FES: variants seen among roughly 807,000 people sequenced by gnomAD.
The protein encoded by FES is FES proto-oncogene, tyrosine kinase, also known as tyrosine-protein kinase Fes/Fps.
In FES, 83 loss-of-function variants were observed where a neutral mutation model predicts 109.6. The observed-to-expected ratio is 0.76, with a 90% CI of 0.63 to 0.91. The LOEUF (loss-of-function observed/expected upper bound fraction) is 0.91. Ranked by LOEUF, FES falls within the 40% of genes least tolerant of loss-of-function variation. FES has a pLI of 0.00. For missense variants in FES, 943 were observed against 1,070.9 expected (o/e 0.88, Z 1.67); for synonymous variants, 458 against 442.1 (o/e 1.04, Z -0.45).
At position 90,885,404 on chromosome 15, in the gene FES, C is replaced by T. The variant is rs747990141; in HGVS notation, c.214-8C>T. ...CCCCTCCCTGCCTCCCCCATCTGTG[C>T]TGTATAGTCCTGGGCTGAGATCACC... On this transcript the variant is annotated splice_region_variant and splice_polypyrimidine_tract_variant and intron_variant, in intron 2 of 18. Coordinates refer to ENST00000328850, the MANE Select transcript of FES (RefSeq NM_002005.4). 4.3e-6 allele frequency: 7 copies of T among 1,610,178 alleles called. No individual in the cohort carries two copies. The highest frequency in any genetic ancestry group is 5.9e-6 in the Non-Finnish European group (7 of 1,178,818).
At chr15:90,890,576 G>A in intron 10 of FES, 92 bp downstream of exon 10, 1 of 1,158,598 alleles carries the variant, frequency 8.6e-7, no homozygotes, top group Non-Finnish European at 1.2e-6. Context: ...CAGGCTGCTT[G>A]TATTGGGAAG....
chr15:90,885,321 G>T (rs780599662), intron 2 of FES, 63 bp downstream of exon 2: 117 of 1,598,474 alleles, frequency 7.3e-5, no homozygotes, highest in Non-Finnish European at 9.6e-5. Context: ...CTCTCCTGGG[G>T]GCCCTCTGGG....
At chr15:90,886,759 G>T (rs1442380390) in intron 3 of FES, among the ~76,000 whole-genome samples, 2 of 152,232 alleles carry the variant, frequency 1.3e-5, no homozygotes, top group Admixed American at 1.3e-4. Context: ...ATTGTAGCCT[G>T]TAGTCTACCT....
At chr15:90,893,078 C>T in intron 14 of FES, 22 bp from the exon 15 acceptor site, 4 of 1,609,730 alleles carry the variant, frequency 2.5e-6, no homozygotes, top group Non-Finnish European at 3.4e-6. Context: ...CCACGTAGAT[C>T]CTGAGCAGCA....
intron 5 of FES, among the ~76,000 whole-genome samples, chr15:90,887,591 C>T (rs2032776979): frequency 1.3e-5 from 2 of 152,210 alleles, no homozygotes; most frequent in Admixed American, 1.3e-4. Flanking sequence ...ATTCATTGAG[C>T]ACTGTTCTGG....
At chr15:90,888,874 C>A (rs1473866742) in intron 5 of FES, among the ~76,000 whole-genome samples, 2 of 151,880 alleles carry the variant, frequency 1.3e-5, no homozygotes, top group African/African-American at 2.4e-5. Context: ...ACCTCCCAGG[C>A]TCAAGCGATT....
In FES at chr15:90,893,346, T is replaced by A. The variant is rs764394296; in HGVS notation, c.1977T>A (p.Thr659=). The A allele has an allele frequency of 6.4e-6, 10 of 1,572,610 alleles. No homozygotes were observed. The highest frequency in any genetic ancestry group is 7.8e-6 in the Non-Finnish European group (9 of 1,158,774). ...AGGGGGCCCGCCTGCGGGTGAAGAC[T>A]CTGCTGCAGATGGTGGGGGATGCAG... ...RTEGARLRVK[T]LLQMVGDAAA... is the part of the protein sequence containing the mutation. Residue 659 remains threonine (T), a synonymous_variant, in exon 16 of 19, where the codon ACT becomes ACA. Coordinates refer to ENST00000328850, the MANE Select transcript of FES (RefSeq NM_002005.4).
At chr15:90,888,908 G>A (rs1242346219) in intron 5 of FES, among the ~76,000 whole-genome samples, 3 of 151,830 alleles carry the variant, frequency 2.0e-5, no homozygotes, top group African/African-American at 7.3e-5. Flanking sequence ...CTCCCGAGTA[G>A]CCAAGTAGCT....
rs2033018404 is a variant in FES, at chr15:90,889,779, T to C, written c.927-61T>C. On this transcript the variant is annotated intron_variant, in intron 7 of 18. Transcript: ENST00000328850. This position sits in a 1 kb window ranked among gnomAD's most constrained non-coding sequence, Gnocchi z 6.1. Reference sequence around the variant, plus strand: ...CTTGCTTGGCTCTACAGGGATGCACTGGACCTGGGTTGAGGGGGCAGGAGG... The same window carrying C: ...CTTGCTTGGCTCTACAGGGATGCACCGGACCTGGGTTGAGGGGGCAGGAGG... 1.2e-6 allele frequency: 2 copies of C among 1,608,994 alleles called. No homozygotes were observed. Among genetic ancestry groups the C allele is most frequent in the East Asian group, 2.2e-5 (1 of 44,758 alleles).
At chr15:90,890,331 C>T in intron 9 of FES, 53 bp downstream of exon 9, 3 of 1,591,812 alleles carry the variant, frequency 1.9e-6, no homozygotes, top group Non-Finnish European at 2.6e-6. Flanking sequence ...CCACCTGGGG[C>T]TGCGCTCCTC....
Position 90,892,833 on chromosome 15 carries a change from A to G in FES, c.1826+8A>G, listed in dbSNP as rs770018318. On this transcript the variant is annotated splice_region_variant and intron_variant, in intron 14 of 18. Coordinates refer to ENST00000328850, the MANE Select transcript of FES (RefSeq NM_002005.4). ...GTTTCTACAGGAAGCGAGGTGGGTG[A>G]TAAACTAATGATCACCACGGGTCCC... 1 of 1,611,814 alleles carries G rather than the reference A, an allele frequency of 6.2e-7. No individual in the cohort carries two copies. Among genetic ancestry groups the G allele is most frequent in the Non-Finnish European group, 8.5e-7 (1 of 1,178,426 alleles).
At position 90,891,020 on chromosome 15, in the gene FES, GC is replaced by G; in HGVS notation, c.1363del (p.Leu455CysfsTer77). On this transcript the variant is annotated frameshift_variant, in exon 11 of 19. Transcript: ENST00000328850. LOFTEE classifies it high-confidence loss of function. The stretch of plus-strand genomic sequence containing the variant: ...TGCAGCTCATTCCGGAGGTGCAGAA[GC>G]CCCTGCATGAGCAGCTGTGGTACCA... The part of the protein sequence containing the change: ...PLQLIPEVQK[P>X]LHEQLWYHGA... 1 of 1,596,784 alleles carries G rather than the reference GC, an allele frequency of 6.3e-7. No homozygotes were observed. The highest frequency in any genetic ancestry group is 8.5e-7 in the Non-Finnish European group (1 of 1,171,548).
intron 13 of FES, 33 bp from the exon 14 acceptor site, chr15:90,892,674 G>T: frequency 1.3e-6 from 2 of 1,561,932 alleles, no homozygotes; most frequent in East Asian, 4.6e-5. Context: ...GCGGGACTGG[G>T]AAGGCCGTGG....
In FES at chr15:90,889,553, T is replaced by A. The variant is rs1363530889; in HGVS notation, c.843T>A (p.Asp281Glu). Reference protein sequence around the residue: ...APDVPPCVTFDESLLEEGEPL... With the variant: ...APDVPPCVTFEESLLEEGEPL... ...ACGTCCCACCCTGTGTCACGTTCGATGAGTCACTGCTTGAGGAGGGTGAAC... is the reference window on the plus strand; with the variant it reads ...ACGTCCCACCCTGTGTCACGTTCGAAGAGTCACTGCTTGAGGAGGGTGAAC... Residue 281 changes from aspartate to glutamate, a missense_variant, in exon 7 of 19, where the codon GAT (aspartate) becomes GAA (glutamate). Transcript: ENST00000328850. This position sits in a 1 kb window ranked among gnomAD's most constrained non-coding sequence, Gnocchi z 6.1. 1 of 1,613,794 alleles carries A rather than the reference T, an allele frequency of 6.2e-7. No homozygotes were observed. Among genetic ancestry groups the A allele is most frequent in the South Asian group, 1.1e-5 (1 of 91,070 alleles).
chr15:90,886,669 C>T (rs976386686), intron 3 of FES, among the ~76,000 whole-genome samples: 6 of 152,218 alleles, frequency 3.9e-5, no homozygotes, highest in Admixed American at 1.3e-4. Context: ...TGTGGAGCCC[C>T]GTGTGACTGC....
In FES at chr15:90,893,933, C is replaced by T. The variant is rs763822677; in HGVS notation, c.2204-3C>T. On this transcript the variant is annotated splice_polypyrimidine_tract_variant and splice_region_variant and intron_variant, in intron 17 of 18. Coordinates refer to ENST00000328850, the MANE Select transcript of FES (RefSeq NM_002005.4). ...CTGCCTCACCTCCTCGCCTCCTCTGCAGGCCGCTACTCCTCCGAAAGCGAC... is the reference window on the plus strand; with the variant it reads ...CTGCCTCACCTCCTCGCCTCCTCTGTAGGCCGCTACTCCTCCGAAAGCGAC... 7 of 1,613,580 alleles carry T rather than the reference C, an allele frequency of 4.3e-6. No individual in the cohort carries two copies. In the South Asian group the frequency reaches 6.6e-5, roughly 15 times the overall value.
rs2033340365 is a variant in FES, at chr15:90,892,705, A to G, written c.1708-2A>G. ...CGTGGTAGGAGCCCAAGACCGTTTCAGGGGAACTTTGGCGAAGTGTTCAGC... is the reference window on the plus strand; with the variant it reads ...CGTGGTAGGAGCCCAAGACCGTTTCGGGGGAACTTTGGCGAAGTGTTCAGC... On this transcript the variant is annotated splice_acceptor_variant, in intron 13 of 18. Coordinates refer to ENST00000328850, the MANE Select transcript of FES (RefSeq NM_002005.4). LOFTEE classifies it high-confidence loss of function. The G allele has an allele frequency of 6.2e-7, 1 of 1,604,678 alleles. No homozygotes were observed. Among genetic ancestry groups the G allele is most frequent in the Non-Finnish European group, 8.5e-7 (1 of 1,175,520 alleles).
rs1382142837 is a variant in FES, at chr15:90,895,703, C to T, written c.*145C>T. ...CTGCCGGCAGGATGCAGCGCCGTGT[C>T]CTCTCTGTGTCCCTGCTGCTGCCAG... On this transcript the variant is annotated 3_prime_UTR_variant, in exon 19 of 19. Transcript: ENST00000328850. The T allele has an allele frequency of 1.6e-5, 10 of 637,280 alleles. No homozygotes were observed. The highest frequency in any genetic ancestry group is 3.8e-5 in the African/African-American group (2 of 52,662). 39.5% of individuals were successfully genotyped at this position (637,280 alleles called of 1,614,324 possible). A position where few individuals can be genotyped will look rare whatever the true frequency, so the allele number is the denominator to read the frequency against.
rs370234292 is a variant in FES at position 90,890,388 on chromosome 15, T to C, written c.1237-13T>C. On this transcript the variant is annotated splice_polypyrimidine_tract_variant and intron_variant, in intron 9 of 18. Coordinates refer to ENST00000328850, the MANE Select transcript of FES (RefSeq NM_002005.4). Reference sequence around the variant, plus strand: ...AAGCCTGGCCACCCGCTGACGTCTGTCCCTGGCCTCAGGAGCAGGAGCGAG... The same window carrying C: ...AAGCCTGGCCACCCGCTGACGTCTGCCCCTGGCCTCAGGAGCAGGAGCGAG... 257 of 1,612,058 alleles carry C rather than the reference T, an allele frequency of 1.6e-4. No homozygotes were observed. In the African/African-American group the frequency reaches 2.9e-3, roughly 18 times the overall value.
Sources: allele counts gnomAD v4.1 joint callset (sites outside exome capture counted in the v4.1 genomes callset), GRCh38; gene constraint gnomAD v4.1.1; non-coding constraint Gnocchi (gnomAD v3.1); transcripts MANE v1.5; gene names NCBI Gene and HGNC (gene_info 2026-07-23, HGNC 2026-07-21).